Variants in SLC6A6 observed in about 807,000 individuals in gnomAD.
The protein encoded by SLC6A6 is sodium- and chloride-dependent taurine transporter.
A neutral mutation model predicts 68.8 loss-of-function variants in SLC6A6; 16 were observed. The ratio of observed to expected loss-of-function variants is 0.23; its 90% confidence interval spans 0.16 to 0.35. SLC6A6 has a LOEUF of 0.35. Among genes scored for constraint, SLC6A6 ranks in the 10% least tolerant of loss-of-function variants. The probability of loss-of-function intolerance (pLI) is 1.00; values close to 1 mark genes in which losing one functional copy is unlikely to be tolerated. For missense variants in SLC6A6, 474 were observed against 802.8 expected (o/e 0.59, Z 4.95); for synonymous variants, 312 against 315.4 (o/e 0.99, Z 0.12).
chr3:14,405,473 A>C (rs1294890307), intron 1 of SLC6A6, among the ~76,000 whole-genome samples: 27 of 152,252 alleles, frequency 1.8e-4, no homozygotes, highest in Non-Finnish European at 1.5e-5. Context: ...AAAGCTGAGA[A>C]GTAAATTATA....
At chr3:14,467,809 G>A (rs374518877) in intron 7 of SLC6A6, 44 bp from the exon 8 acceptor site, 8 of 1,308,438 alleles carry the variant, frequency 6.1e-6, no homozygotes, top group Non-Finnish European at 8.7e-6. Flanking sequence ...AGCCAGCTCT[G>A]ACAGCCCTCC....
intron 2 of SLC6A6, among the ~76,000 whole-genome samples, chr3:14,427,933 C>T (rs1414709284): frequency 6.6e-6 from 1 of 152,212 alleles, no homozygotes; most frequent in Non-Finnish European, 1.5e-5. Flanking sequence ...GTACTCAGTA[C>T]TTTGCATGGG....
intron 9 of SLC6A6, among the ~76,000 whole-genome samples, chr3:14,470,908 G>A (rs906390177): frequency 1.3e-5 from 2 of 152,200 alleles, no homozygotes; most frequent in Admixed American, 1.3e-4. Flanking sequence ...CCACTCTGTC[G>A]CTGCCCAAGG....
At chr3:14,478,055 ACC>A (rs1169109517) in intron 11 of SLC6A6, among the ~76,000 whole-genome samples, 1 of 151,780 alleles carries the variant, frequency 6.6e-6, no homozygotes, top group Non-Finnish European at 1.5e-5. Flanking sequence ...TTCTCCGAAA[ACC>A]CAATTCAGGG....
At position 14,486,576 on chromosome 3, in the gene SLC6A6, TC is replaced by T. The variant is rs3832207; in HGVS notation, c.*1573del. 0.17 allele frequency: 25,711 copies of T among 152,374 alleles called. 2,427 individuals carry two copies. Among genetic ancestry groups the T allele is most frequent in the East Asian group, 0.27 (1,382 of 5,150 alleles). The allele number at this position is 152,374 out of a possible 1,614,324, so 9.4% of individuals were successfully genotyped here. ...GAGAGAAGGTACTATACCTTTCAAA[TC>T]CCCAGGGCAGACACACCCCCACCCA... On this transcript the variant is annotated 3_prime_UTR_variant, in exon 15 of 15. Transcript: ENST00000622186.
intron 2 of SLC6A6, among the ~76,000 whole-genome samples, chr3:14,428,213 A>G (rs1699645154): frequency 6.6e-6 from 1 of 152,088 alleles, no homozygotes; most frequent in Admixed American, 6.5e-5. Context: ...AATAGAAGGG[A>G]GGGGGCAGCT....
In SLC6A6 at chr3:14,481,838, TGTG is replaced by T; in HGVS notation, c.1722_1722+2del. 1.2e-6 allele frequency: 2 copies of T among 1,613,534 alleles called. No homozygotes were observed. The highest frequency in any genetic ancestry group is 1.7e-6 in the Non-Finnish European group (2 of 1,179,722). On this transcript the variant is annotated inframe_deletion and splice_region_variant, in exon 14 of 15. Transcript: ENST00000622186. The surrounding 1 kb of genome is among the most constrained non-coding windows in gnomAD (Gnocchi z 4.7). ...TCTGCCAGACTGAGGGGCCGTTCCT[TGTG>T]GTAAGTGCTTGGGCCCAGGGCCAGG...
chr3:14,430,808 C>T lies in SLC6A6; in HGVS notation c.-11-12816C>T, dbSNP rs1052260014. 2.6e-5 allele frequency among the ~76,000 whole-genome samples: 4 copies of T among 152,352 alleles called. No homozygotes were observed. In the East Asian group the frequency reaches 5.8e-4, roughly 22 times the overall value. On this transcript the variant is annotated intron_variant, in intron 2 of 14. Coordinates refer to ENST00000622186, the MANE Select transcript of SLC6A6 (RefSeq NM_003043.6). ...CACCACATCTTTCAGGCCTCAGTTT[C>T]CCCTCTGTGAAATGAGTTCCCTCCA...
intron 5 of SLC6A6, among the ~76,000 whole-genome samples, chr3:14,453,975 G>T (rs1189038103): frequency 4.6e-5 from 7 of 152,202 alleles, no homozygotes; most frequent in African/African-American, 1.7e-4. Flanking sequence ...GGGGGATGAG[G>T]GTAGGGCTTG....
At chr3:14,474,703 C>T (rs145738115) in intron 10 of SLC6A6, among the ~76,000 whole-genome samples, 1 of 152,252 alleles carries the variant, frequency 6.6e-6, no homozygotes, top group Admixed American at 6.5e-5. Flanking sequence ...GGGCTTGATA[C>T]CAGGTCTGCC....
At chr3:14,420,475 T>A (rs939337763) in intron 2 of SLC6A6, among the ~76,000 whole-genome samples, 2 of 151,206 alleles carry the variant, frequency 1.3e-5, no homozygotes, top group Non-Finnish European at 1.5e-5. Flanking sequence ...CAGTTTCTCT[T>A]GTAAACCACT....
intron 8 of SLC6A6, 27 bp downstream of exon 8, chr3:14,467,983 G>A (rs762471325): frequency 1.2e-6 from 2 of 1,608,706 alleles, no homozygotes; most frequent in Admixed American, 1.7e-5. Context: ...CGGGCCTGGT[G>A]GACTTTAGAA....
chr3:14,458,975 C>T (rs1043767927), intron 6 of SLC6A6, among the ~76,000 whole-genome samples: 1 of 152,210 alleles, frequency 6.6e-6, no homozygotes, highest in African/African-American at 2.4e-5. Context: ...TGAAATGTTA[C>T]CTGTTACTAA....
intron 6 of SLC6A6, among the ~76,000 whole-genome samples, chr3:14,462,263 C>A (rs1423585550): frequency 6.6e-6 from 1 of 152,210 alleles, no homozygotes; most frequent in African/African-American, 2.4e-5. Context: ...TACTGTAAAC[C>A]AAAACCCATC....
At chr3:14,443,432 C>T (rs1162376361) in intron 2 of SLC6A6, among the ~76,000 whole-genome samples, 192 bp from the exon 3 acceptor site, 1 of 152,096 alleles carries the variant, frequency 6.6e-6, no homozygotes, top group East Asian at 1.9e-4. Context: ...TCTTGAGGTC[C>T]CTGGTCCATG....
chr3:14,480,683 T>TAG (rs1700987079), intron 13 of SLC6A6, among the ~76,000 whole-genome samples: 1 of 152,214 alleles, frequency 6.6e-6, no homozygotes, highest in Admixed American at 6.5e-5. Context: ...AAATCCCAGT[T>TAG]ACTAGGTGTT....
At chr3:14,437,691 T>C (rs2124934067) in intron 2 of SLC6A6, among the ~76,000 whole-genome samples, 1 of 152,234 alleles carries the variant, frequency 6.6e-6, no homozygotes, top group South Asian at 2.1e-4. Flanking sequence ...CATGACACCA[T>C]GACATACATA....
intron 1 of SLC6A6, among the ~76,000 whole-genome samples, chr3:14,404,537 T>C (rs1699063077): frequency 6.6e-6 from 1 of 152,182 alleles, no homozygotes; most frequent in African/African-American, 2.4e-5. Flanking sequence ...GGCAGACTGG[T>C]TATAGAGTAA....
chr3:14,441,948 T>C (rs978967638), intron 2 of SLC6A6, among the ~76,000 whole-genome samples: 3 of 152,224 alleles, frequency 2.0e-5, no homozygotes, highest in African/African-American at 7.2e-5. Flanking sequence ...CAGGAGCCTC[T>C]ATTCTAGTTG....
Sources: allele counts gnomAD v4.1 joint callset (sites outside exome capture counted in the v4.1 genomes callset), GRCh38; gene constraint gnomAD v4.1.1; non-coding constraint Gnocchi (gnomAD v3.1); transcripts MANE v1.5; gene names NCBI Gene and HGNC (gene_info 2026-07-23, HGNC 2026-07-21).